Variants in ZNF536 observed in about 807,000 individuals in gnomAD.
The protein encoded by ZNF536 is zinc finger protein 536.
In ZNF536, 13 loss-of-function variants were observed where a neutral mutation model predicts 84.5. The ratio of observed to expected loss-of-function variants is 0.15; its 90% CI spans 0.10 to 0.24. The LOEUF is 0.24. Among genes scored for constraint, ZNF536 ranks in the 10% least tolerant of loss-of-function variants. The pLI is 1.00. For missense variants in ZNF536, 1,536 were observed against 1,747.5 expected, an observed-to-expected ratio of 0.88 and a Z score of 2.16; for synonymous variants, 811 against 742.5, an observed-to-expected ratio of 1.09 and a Z score of -1.50.
chr19:30,434,461 G>A (rs62101952), intron 1 of ZNF536, among the ~76,000 whole-genome samples: 5,861 of 152,258 alleles, frequency 0.038, 181 homozygotes, highest in South Asian at 0.08. Context: ...GCTGGGTTCC[G>A]ACTGTCGTTA....
intron 2 of ZNF536, among the ~76,000 whole-genome samples, chr19:30,344,301 A>ATTTT: frequency 7.2e-5 from 2 of 27,802 alleles, no homozygotes; most frequent in African/African-American, 6.6e-4. Flanking sequence ...ACACACAAAT[A>ATTTT]TATTGGCGGC....
At chr19:30,394,398 A>G (rs747200920) in intron 1 of ZNF536, among the ~76,000 whole-genome samples, 1 of 152,002 alleles carries the variant, frequency 6.6e-6, no homozygotes, top group African/African-American at 2.4e-5. Flanking sequence ...CTAGATTTGC[A>G]TTTGCAAATG....
intron 1 of ZNF536, among the ~76,000 whole-genome samples, chr19:30,582,825 C>A (rs573471020): frequency 9.9e-5 from 15 of 152,238 alleles, no homozygotes; most frequent in African/African-American, 1.2e-4. Flanking sequence ...ACCATGAAAA[C>A]AGTGTGGGGG....
intron 2 of ZNF536, among the ~76,000 whole-genome samples, chr19:30,319,017 T>G (rs753027524): frequency 6.6e-6 from 1 of 152,260 alleles, no homozygotes; most frequent in Non-Finnish European, 1.5e-5. Context: ...TGAATCGGCT[T>G]TAGCAAGTGA....
chr19:30,630,938 T>TA (rs2048864984), intron 1 of ZNF536, among the ~76,000 whole-genome samples: 2 of 152,180 alleles, frequency 1.3e-5, no homozygotes, highest in Non-Finnish European at 2.9e-5. Context: ...GAAGAAATCC[T>TA]AAAAAATTCA....
intron 1 of ZNF536, among the ~76,000 whole-genome samples, chr19:30,627,350 A>G (rs1289218531): frequency 6.6e-6 from 1 of 151,762 alleles, no homozygotes; most frequent in Non-Finnish European, 1.5e-5. Flanking sequence ...ACACATCTGT[A>G]GTCCCAGCTA....
At chr19:30,613,453 C>T (rs921565809) in intron 1 of ZNF536, among the ~76,000 whole-genome samples, 4 of 152,078 alleles carry the variant, frequency 2.6e-5, no homozygotes, top group Non-Finnish European at 5.9e-5. Flanking sequence ...TCTTTCTCTC[C>T]TATTGGTTAT....
intron 2 of ZNF536, among the ~76,000 whole-genome samples, chr19:30,348,558 G>A (rs748540510): frequency 3.3e-5 from 5 of 152,182 alleles, no homozygotes; most frequent in Non-Finnish European, 5.9e-5. Context: ...TCCTTGGGTT[G>A]CTCCTGAGTC....
At chr19:30,529,260 A>T (rs1763805939) in intron 2 of ZNF536, among the ~76,000 whole-genome samples, 1 of 152,200 alleles carries the variant, frequency 6.6e-6, no homozygotes, top group Admixed American at 6.5e-5. Context: ...TATATAAATA[A>T]GGTTAAGTGT....
At chr19:30,545,969 C>T (rs969638874) in intron 3 of ZNF536, among the ~76,000 whole-genome samples, 14 of 152,368 alleles carry the variant, frequency 9.2e-5, no homozygotes, top group South Asian at 2.1e-4. Context: ...AGGCTTTCAT[C>T]GCCTGGCCCT....
intron 1 of ZNF536, among the ~76,000 whole-genome samples, chr19:30,580,888 T>C (rs1056511100): frequency 1.3e-5 from 2 of 152,168 alleles, no homozygotes; most frequent in African/African-American, 4.8e-5. Flanking sequence ...AGAGACTGTG[T>C]CCACAGGAAG....
rs1421344258 is a variant in ZNF536 at position 30,444,242 on chromosome 19, C to T, written c.680C>T (p.Pro227Leu). The change falls in exon 2 of 5, where the codon CCG becomes CTG. Residue 227 changes from proline (P) to leucine (L), a missense_variant. Around this residue, in one of 8 missense-constraint regions of ZNF536, gnomAD observed 138 missense variants for 136.8 expected, o/e 1.01. Transcript: ENST00000355537. Reference protein sequence around the residue: ...LLQPRPDLKPPPHAQQAPLAA... With the variant: ...LLQPRPDLKPLPHAQQAPLAA... ...CAGCCCCGGCCGGACCTGAAGCCCC[C>T]GCCGCACGCCCAGCAGGCCCCGCTG... 3.2e-6 allele frequency: 5 copies of T among 1,545,322 alleles called. No individual in the cohort carries two copies. The highest frequency in any genetic ancestry group is 4.3e-6 in the Non-Finnish European group (5 of 1,151,528).
At position 30,402,791 on chromosome 19, in the gene ZNF536, T is replaced by TAA. The variant is rs1265624736; in HGVS notation, c.-3+30240_-3+30241dup. ...TTGCTTTTTAAACATTTTTTAAAAT[T>TAA]AAAAAATATATATATATATATATAT... On this transcript the variant is annotated intron_variant, in intron 1 of 4. Transcript: ENST00000355537. Among the ~76,000 whole-genome samples the TAA allele has an allele frequency of 5.6e-3, 137 of 24,370 alleles. 4 individuals carry two copies. Among genetic ancestry groups the TAA allele is most frequent in the Middle Eastern group, 0.062 (2 of 32 alleles). 16.0% of individuals were successfully genotyped at this position (24,370 alleles called of 152,430 possible). A position where few individuals can be genotyped will look rare whatever the true frequency, so the allele number is the denominator to read the frequency against.
At chr19:30,230,026 A>G (rs554182899) in intron 1 of ZNF536, among the ~76,000 whole-genome samples, 2 of 152,356 alleles carry the variant, frequency 1.3e-5, no homozygotes, top group South Asian at 4.1e-4. Context: ...GTGACCAGGC[A>G]GAGATATTTG....
intron 1 of ZNF536, among the ~76,000 whole-genome samples, chr19:30,641,026 C>T (rs1029410146): frequency 2.6e-5 from 4 of 152,178 alleles, no homozygotes; most frequent in East Asian, 1.9e-4. Context: ...GCTTCAGTAC[C>T]GCTTAGTTAT....
intron 2 of ZNF536, among the ~76,000 whole-genome samples, chr19:30,509,758 T>C (rs1164535807): frequency 1.3e-5 from 2 of 152,246 alleles, no homozygotes; most frequent in Non-Finnish European, 2.9e-5. Flanking sequence ...AGTTCTCATG[T>C]TGCACATTTG....
chr19:30,634,761 C>T (rs764904414), intron 1 of ZNF536, among the ~76,000 whole-genome samples: 5 of 152,104 alleles, frequency 3.3e-5, no homozygotes, highest in African/African-American at 7.2e-5. Flanking sequence ...AGAAAGGGGA[C>T]GGGATTTTCA....
chr19:30,301,199 G>A (rs1328433377), intron 2 of ZNF536, among the ~76,000 whole-genome samples: 2 of 152,146 alleles, frequency 1.3e-5, no homozygotes, highest in South Asian at 2.1e-4. Context: ...CAGTGGTGAC[G>A]TGCGGGTTCT....
chr19:30,473,514 G>T (rs2053725469), intron 2 of ZNF536, among the ~76,000 whole-genome samples: 1 of 152,220 alleles, frequency 6.6e-6, no homozygotes, highest in South Asian at 2.1e-4. Flanking sequence ...TGTCCACCTT[G>T]CTGCCTATCT....
Sources: gnomAD v4.1 joint callset for allele counts (sites outside exome capture counted in the v4.1 genomes callset) on GRCh38, gnomAD v4.1.1 for gene constraint, gnomAD v4.1.1 regional missense constraint, MANE v1.5 for transcripts, NCBI Gene and HGNC (gene_info 2026-07-23, HGNC 2026-07-21) for gene names.